Variants in TCTN3 observed in about 807,000 individuals in gnomAD.
TCTN3 encodes tectonic family member 3, also known as tectonic-3.
Under a neutral mutation model 71.3 loss-of-function variants are expected in TCTN3, and 57 were observed. The observed-to-expected ratio is 0.80, with a 90% CI of 0.65 to 1.00. The LOEUF (loss-of-function observed/expected upper bound fraction) is 1.00. TCTN3 is among the 50% of genes least tolerant of loss of function. The probability of loss-of-function intolerance (pLI) is 0.00; values close to 1 mark genes in which losing one functional copy is unlikely to be tolerated. For missense variants in TCTN3, 696 were observed against 719.9 expected (o/e 0.97, Z 0.38); for synonymous variants, 258 against 267.8 (o/e 0.96, Z 0.36).
chr10:95,683,865 G>C (rs1351010559), intron 9 of TCTN3, among the ~76,000 whole-genome samples: 2 of 151,900 alleles, frequency 1.3e-5, no homozygotes, highest in African/African-American at 4.8e-5. Context: ...TTTTACCAAG[G>C]ATTACAACCA....
At position 95,686,530 on chromosome 10, in the gene TCTN3, C is replaced by T. The variant is rs1351530754; in HGVS notation, c.853G>A (p.Val285Ile). The T allele has an allele frequency of 1.3e-5, 21 of 1,614,028 alleles. No homozygotes were observed. Among genetic ancestry groups the T allele is most frequent in the Non-Finnish European group, 1.8e-5 (21 of 1,179,978 alleles). Residue 285 changes from valine to isoleucine, a missense_variant and splice_region_variant, in exon 7 of 14, where the codon GTT becomes ATT. Coordinates refer to ENST00000371217, the MANE Select transcript of TCTN3 (RefSeq NM_015631.6). ...ASYYNFTVLK[V>I]PRSMTDPQNM... The stretch of plus-strand genomic sequence containing the variant: ...TGTGGATCAGTCATGCTTCTTGGAA[C>T]CTAGGAGAACAGCAGGGACATGAAT...
chr10:95,683,651 G>C, intron 9 of TCTN3, 22 bp from the exon 10 acceptor site: 226 of 1,550,166 alleles, frequency 1.5e-4, no homozygotes, highest in Non-Finnish European at 1.8e-4. Flanking sequence ...GGGAAGAGAA[G>C]TCAATTATGG....
At chr10:95,673,544 AAAAG>A (rs2097933798) in intron 13 of TCTN3, among the ~76,000 whole-genome samples, 1 of 152,180 alleles carries the variant, frequency 6.6e-6, no homozygotes. Context: ...TTGTTAAAAA[AAAAG>A]AAACTTTTTT....
intron 13 of TCTN3, among the ~76,000 whole-genome samples, chr10:95,680,187 A>T (rs547594827): frequency 6.6e-6 from 1 of 152,342 alleles, no homozygotes; most frequent in East Asian, 1.9e-4. Context: ...AATCAATCAG[A>T]ATAGTAATAA....
intron 3 of TCTN3, 162 bp downstream of exon 3, chr10:95,692,758 A>T (rs1280095950): frequency 3.4e-6 from 2 of 596,252 alleles, no homozygotes; most frequent in Non-Finnish European, 5.9e-6. Context: ...AACATTTGAC[A>T]TTTTTTTTGC....
In TCTN3 at chr10:95,683,754, C is replaced by G. The variant is rs1162876944; in HGVS notation, c.1096-125G>C. 4.2e-6 allele frequency: 3 copies of G among 717,098 alleles called. No individual in the cohort carries two copies. In the African/African-American group the frequency reaches 5.3e-5, roughly 13 times the overall value. The allele number at this position is 717,098 out of a possible 1,614,324, so 44.4% of individuals were successfully genotyped here. ...CAATAAGTGAGCTACACTGAACAATCTGGCTTCTTTCCACAGTGTAGCATT... is the reference window on the plus strand; with the variant it reads ...CAATAAGTGAGCTACACTGAACAATGTGGCTTCTTTCCACAGTGTAGCATT... On this transcript the variant is annotated intron_variant, in intron 9 of 13. Transcript: ENST00000371217.
chr10:95,681,336 A>G (rs966257409), intron 12 of TCTN3, among the ~76,000 whole-genome samples: 1 of 152,194 alleles, frequency 6.6e-6, no homozygotes, highest in Non-Finnish European at 1.5e-5. Context: ...TCGGCCTTCC[A>G]AAGTGCTGGG....
In TCTN3 at chr10:95,693,844, C is replaced by T. The variant is rs375924713; in HGVS notation, c.56G>A (p.Gly19Asp). Residue 19 changes from glycine to aspartate, a missense_variant, in exon 1 of 14, where the codon GGC becomes GAC. By Grantham distance (94) the Gly-to-Asp change is moderately conservative. Transcript: ENST00000371217. ...LQVFFLVFPD[G>D]VRPQPSSSPS... ...GGAGGAAGAGGGCTGAGGCCGGACG[C>T]CATCGGGGAACACCAGAAAGAACAC... The T allele has an allele frequency of 5.2e-6, 8 of 1,551,570 alleles. No homozygotes were observed. In the African/African-American group the frequency reaches 1.1e-4, roughly 21 times the overall value.
At chr10:95,680,650 G>A (rs778799516) in intron 12 of TCTN3, 41 bp from the exon 13 acceptor site, 2 of 1,600,448 alleles carry the variant, frequency 1.2e-6, no homozygotes, top group African/African-American at 2.7e-5. Context: ...ATTGCCTGAT[G>A]GTTGCCTATA....
chr10:95,678,770 AATG>A (rs1589610161), intron 13 of TCTN3, among the ~76,000 whole-genome samples: 1 of 152,186 alleles, frequency 6.6e-6, no homozygotes, highest in Non-Finnish European at 1.5e-5. Context: ...ATAAGTATGA[AATG>A]ATACTTTTAA....
At chr10:95,676,063 T>C (rs2097936847) in intron 13 of TCTN3, among the ~76,000 whole-genome samples, 1 of 152,186 alleles carries the variant, frequency 6.6e-6, no homozygotes, top group Non-Finnish European at 1.5e-5. Flanking sequence ...TTGACTGTGG[T>C]ATAAAACATA....
At chr10:95,682,857 C>CGTACTAATATAGG in intron 11 of TCTN3, 53 bp from the exon 12 acceptor site, 1 of 1,569,400 alleles carries the variant, frequency 6.4e-7, no homozygotes, top group Non-Finnish European at 8.7e-7. Context: ...AATAATATAC[C>CGTACTAATATAGG]TATATTAGTA....
intron 13 of TCTN3, among the ~76,000 whole-genome samples, chr10:95,675,256 C>A (rs968761728): frequency 7.2e-5 from 11 of 152,028 alleles, no homozygotes; most frequent in African/African-American, 2.7e-4. Context: ...CCATGCCCAG[C>A]TAATTTTTGT....
chr10:95,687,266 A>G lies in TCTN3; in HGVS notation c.717T>C (p.Cys239=). 1 of 1,614,016 alleles carries G rather than the reference A, an allele frequency of 6.2e-7. No individual in the cohort carries two copies. The highest frequency in any genetic ancestry group is 8.5e-7 in the Non-Finnish European group (1 of 1,179,892). ...QPAGVGAGGL[C]AESNPAGFLE... is the part of the protein sequence containing the mutation. ...ATTCACCTGCAGGATTGCTTTCAGC[A>G]CAGAGTCCCCCAGCTCCAACTCCTG... is the stretch of plus-strand genomic sequence containing the variant. Residue 239 remains cysteine, a synonymous_variant, in exon 5 of 14, where the codon TGT becomes TGC. Transcript: ENST00000371217.
chr10:95,668,254 C>G (rs1236029442), intron 13 of TCTN3, among the ~76,000 whole-genome samples: 1 of 29,310 alleles, frequency 3.4e-5, no homozygotes, highest in African/African-American at 9.2e-5. Flanking sequence ...AATAGGAGTG[C>G]CAAAAAAAAA....
chr10:95,693,392 G>A lies in TCTN3; in HGVS notation c.341C>T (p.Pro114Leu), dbSNP rs1555270869. The A allele has an allele frequency of 1.9e-6, 3 of 1,551,624 alleles. No homozygotes were observed. The highest frequency in any genetic ancestry group is 1.7e-4 in the Middle Eastern group (1 of 5,992). Residue 114 changes from proline (P) to leucine (L), a missense_variant, in exon 2 of 14, where the codon CCG becomes CTG. Physicochemically the swap from Pro to Leu is moderately conservative, Grantham distance 98 (BLOSUM62 -3). Transcript: ENST00000371217. The part of the protein sequence containing the change: ...CCDRDCYLLH[P>L]RTVFSFCLPG... ...AAGGCAGAAGGAGAAAACTGTCCTC[G>A]GATGGAGAAGATAGCAGTCCCTGTC... is the stretch of plus-strand genomic sequence containing the variant.
chr10:95,682,463 G>A (rs552436742), intron 12 of TCTN3, among the ~76,000 whole-genome samples, 188 bp downstream of exon 12: 43 of 151,594 alleles, frequency 2.8e-4, no homozygotes, highest in South Asian at 1.0e-3. Flanking sequence ...CACCACACTC[G>A]AGCCAGGGCA....
In TCTN3 at chr10:95,664,218, C is replaced by G; in HGVS notation, c.1673G>C (p.Gly558Ala). 1 of 1,614,138 alleles carries G rather than the reference C, an allele frequency of 6.2e-7. No homozygotes were observed. The stretch of plus-strand genomic sequence containing the variant: ...CCATTTCCAGTCCATTTTGGGTTGG[C>G]CCCTTGGAGGCTGTGGCTTCTGGGT... Reference protein sequence around the residue: ...DITQKPQPPRGQPKMDWKWPF... With the variant: ...DITQKPQPPRAQPKMDWKWPF... Residue 558 changes from glycine (G) to alanine (A), a missense_variant, in exon 14 of 14, where the codon GGC becomes GCC. By Grantham distance (60) the Gly-to-Ala change is moderately conservative (BLOSUM62 0). Transcript: ENST00000371217.
At chr10:95,679,826 G>A (rs1191606363) in intron 13 of TCTN3, among the ~76,000 whole-genome samples, 1 of 151,880 alleles carries the variant, frequency 6.6e-6, no homozygotes, top group East Asian at 1.9e-4. Context: ...TCCTGACCTC[G>A]TGATCCGCCC....
Sources: gnomAD v4.1 joint callset for allele counts (sites outside exome capture counted in the v4.1 genomes callset) on GRCh38, gnomAD v4.1.1 for gene constraint, MANE v1.5 for transcripts, NCBI Gene and HGNC (gene_info 2026-07-23, HGNC 2026-07-21) for gene names.